The following DLG2 variants were observed in gnomAD, a reference collection of about 807,000 sequenced individuals.
DLG2 encodes the protein disks large homolog 2.
In DLG2, 45 loss-of-function variants were observed where a neutral mutation model predicts 132.5. That is an observed-to-expected ratio of 0.34 (90% CI 0.27 to 0.44). The LOEUF is 0.44. Ranked by LOEUF, DLG2 falls within the 20% of genes least tolerant of loss-of-function variation. DLG2 has a pLI of 1.00. For synonymous variants in DLG2, 424 were observed against 419.6 expected, an observed-to-expected ratio of 1.01 and a Z score of -0.13; for missense variants, 1,045 against 1,196.9, an observed-to-expected ratio of 0.87 and a Z score of 1.87.
At chr11:84,422,011 C>T (rs2098952593) in intron 7 of DLG2, among the ~76,000 whole-genome samples, 1 of 152,186 alleles carries the variant, frequency 6.6e-6, no homozygotes, top group African/African-American at 2.4e-5. Flanking sequence ...CTATAACGCA[C>T]AACTTTGAAA....
intron 7 of DLG2, among the ~76,000 whole-genome samples, chr11:84,451,769 C>G (rs2099052280): frequency 6.6e-6 from 1 of 151,656 alleles, no homozygotes; most frequent in Admixed American, 6.6e-5. Flanking sequence ...AATGTAGTCT[C>G]TTCAATAGTG....
At chr11:84,292,899 T>C (rs929621006) in intron 7 of DLG2, among the ~76,000 whole-genome samples, 11 of 151,984 alleles carry the variant, frequency 7.2e-5, no homozygotes, top group African/African-American at 2.7e-4. Flanking sequence ...AAACTAACAA[T>C]AGCTAATGAG....
At chr11:83,956,696 C>G (rs1178838821) in intron 14 of DLG2, among the ~76,000 whole-genome samples, 1 of 152,238 alleles carries the variant, frequency 6.6e-6, no homozygotes, top group East Asian at 1.9e-4. Context: ...GAAGAAACTT[C>G]TAGTTCACTC....
intron 9 of DLG2, among the ~76,000 whole-genome samples, chr11:84,130,638 A>T (rs970754844): frequency 1.5e-4 from 22 of 151,646 alleles, no homozygotes; most frequent in African/African-American, 4.8e-4. Flanking sequence ...AGCAGCTACT[A>T]AGGTAAAATA....
At chr11:84,019,295 A>G (rs1425332783) in intron 11 of DLG2, among the ~76,000 whole-genome samples, 1 of 152,126 alleles carries the variant, frequency 6.6e-6, no homozygotes. Flanking sequence ...ATATTAAAGG[A>G]AAGGGTGATT....
chr11:83,769,560 CTT>C (rs143446772), intron 18 of DLG2, among the ~76,000 whole-genome samples: 69 of 124,032 alleles, frequency 5.6e-4, no homozygotes, highest in Non-Finnish European at 8.1e-4. Flanking sequence ...ACTCTAGCTT[CTT>C]TTTTTTTTTT....
At chr11:84,757,321 T>C (rs1219038006) in intron 6 of DLG2, among the ~76,000 whole-genome samples, 1 of 152,184 alleles carries the variant, frequency 6.6e-6, no homozygotes, top group Admixed American at 6.5e-5. Flanking sequence ...TTTTATCTTG[T>C]ATGTTTTTGG....
chr11:85,108,514 T>C (rs2072177645), intron 6 of DLG2, among the ~76,000 whole-genome samples: 1 of 151,206 alleles, frequency 6.6e-6, no homozygotes. Context: ...TTTTTGGTTA[T>C]ATAAATATAT....
chr11:84,165,358 AC>A (rs1191158266), intron 8 of DLG2, among the ~76,000 whole-genome samples: 1 of 152,212 alleles, frequency 6.6e-6, no homozygotes, highest in Non-Finnish European at 1.5e-5. Context: ...GCCTATCAAA[AC>A]CTACGCTTAA....
At chr11:83,697,150 A>G (rs2082085382) in intron 18 of DLG2, among the ~76,000 whole-genome samples, 1 of 152,194 alleles carries the variant, frequency 6.6e-6, no homozygotes, top group Non-Finnish European at 1.5e-5. Context: ...GAGAAAGTAG[A>G]AGTTTGGTTC....
At chr11:84,711,480 G>A (rs1266037175) in intron 6 of DLG2, among the ~76,000 whole-genome samples, 1 of 134,468 alleles carries the variant, frequency 7.4e-6, no homozygotes, top group Non-Finnish European at 1.5e-5. Context: ...AAGGTCAGCA[G>A]TCAGCAAGCT....
chr11:85,057,472 C>A (rs1463718188), intron 6 of DLG2, among the ~76,000 whole-genome samples: 1 of 151,448 alleles, frequency 6.6e-6, no homozygotes, highest in Non-Finnish European at 1.5e-5. Context: ...AAAACCAATA[C>A]AAGAGTAAAT....
At chr11:85,064,011 A>G (rs2064494472) in intron 6 of DLG2, among the ~76,000 whole-genome samples, 1 of 151,998 alleles carries the variant, frequency 6.6e-6, no homozygotes, top group East Asian at 1.9e-4. Flanking sequence ...ATAAAAAATA[A>G]CACAAATACA....
At chr11:84,512,124 A>G (rs11234060) in intron 7 of DLG2, among the ~76,000 whole-genome samples, 13,646 of 152,200 alleles carry the variant, frequency 0.09, 748 homozygotes, top group South Asian at 0.19. Flanking sequence ...TCCTTTTTAC[A>G]TATAAGCAAC....
chr11:84,070,034 C>A (rs544050634), intron 10 of DLG2, among the ~76,000 whole-genome samples: 3 of 152,190 alleles, frequency 2.0e-5, no homozygotes, highest in Non-Finnish European at 4.4e-5. Context: ...GGCTAATTAG[C>A]CCCTCTCCAT....
chr11:83,653,956 G>C (rs1334957055), intron 18 of DLG2, among the ~76,000 whole-genome samples: 1 of 152,126 alleles, frequency 6.6e-6, no homozygotes, highest in Non-Finnish European at 1.5e-5. Flanking sequence ...CTGACCTCAA[G>C]TGATCTGCCT....
At chr11:84,739,080 G>C (rs529351801) in intron 6 of DLG2, among the ~76,000 whole-genome samples, 1 of 152,040 alleles carries the variant, frequency 6.6e-6, no homozygotes, top group Non-Finnish European at 1.5e-5. Flanking sequence ...AGGAATCTTG[G>C]GGTGATGGTA....
chr11:85,144,333 C>T (rs1025700629), intron 5 of DLG2, among the ~76,000 whole-genome samples: 1 of 142,848 alleles, frequency 7.0e-6, no homozygotes, highest in Non-Finnish European at 1.5e-5. Context: ...GTTTTGTAGG[C>T]AGCATATAAT....
At chr11:84,834,425 A>C (rs574479546) in intron 6 of DLG2, among the ~76,000 whole-genome samples, 2 of 151,590 alleles carry the variant, frequency 1.3e-5, no homozygotes, top group Non-Finnish European at 3.0e-5. Flanking sequence ...CCTCTTCCCT[A>C]ATGTTAAAAA....
Sources: gnomAD v4.1 joint callset for allele counts (sites outside exome capture counted in the v4.1 genomes callset) on GRCh38, gnomAD v4.1.1 for gene constraint, MANE v1.5 for transcripts, NCBI Gene and HGNC (gene_info 2026-07-23, HGNC 2026-07-21) for gene names.